L3MBTL4: variants seen among roughly 807,000 people sequenced by gnomAD.
L3MBTL4 encodes L3MBTL histone methyl-lysine binding protein 4.
Under a neutral mutation model 84.5 loss-of-function variants are expected in L3MBTL4, and 70 were observed. That is an observed-to-expected ratio of 0.83 (90% CI 0.68 to 1.01). L3MBTL4 has a LOEUF of 1.01. L3MBTL4 is among the 50% of genes least tolerant of loss of function. The pLI is 0.00. For synonymous variants in L3MBTL4, 274 were observed against 259.8 expected (o/e 1.05, Z -0.52); for missense variants, 715 against 754.8 (o/e 0.95, Z 0.62).
intron 16 of L3MBTL4, among the ~76,000 whole-genome samples, chr18:5,974,450 T>C (rs545723790): frequency 6.6e-6 from 1 of 152,252 alleles, no homozygotes; most frequent in African/African-American, 2.4e-5. Flanking sequence ...TGGAACCTGG[T>C]TGATTCCCTG....
rs146727904 is a variant in L3MBTL4, at chr18:6,378,749, C to T, written c.-91+36052G>A. On this transcript the variant is annotated intron_variant, in intron 1 of 18. Coordinates refer to ENST00000317931, the MANE Select transcript of L3MBTL4 (RefSeq NM_001330559.2). The stretch of plus-strand genomic sequence containing the variant: ...TTGTAGTATAGTTTGAAGTCAGGTA[C>T]TGTGATGCCTCCAGGTTTGTTCTTT... 4.7e-3 allele frequency among the ~76,000 whole-genome samples: 715 copies of T among 152,158 alleles called. 6 individuals carry two copies. The highest frequency in any genetic ancestry group is 0.016 in the African/African-American group (658 of 41,538).
intron 5 of L3MBTL4, among the ~76,000 whole-genome samples, chr18:6,246,945 A>G (rs1311554819): frequency 6.6e-6 from 1 of 152,178 alleles, no homozygotes; most frequent in Non-Finnish European, 1.5e-5. Context: ...AAAAGTTGCA[A>G]CAACAAGACA....
chr18:6,147,189 C>A (rs374903466), intron 13 of L3MBTL4, among the ~76,000 whole-genome samples: 1 of 152,036 alleles, frequency 6.6e-6, no homozygotes, highest in African/African-American at 2.4e-5. Context: ...TGCCACCCCA[C>A]AGGAAATTTG....
intron 3 of L3MBTL4, among the ~76,000 whole-genome samples, chr18:6,305,344 A>G (rs556101185): frequency 6.6e-6 from 1 of 152,346 alleles, no homozygotes; most frequent in African/African-American, 2.4e-5. Context: ...ATCTGTTAAA[A>G]TAAAGAAATT....
At chr18:6,345,579 C>T (rs897839320) in intron 1 of L3MBTL4, among the ~76,000 whole-genome samples, 3 of 152,028 alleles carry the variant, frequency 2.0e-5, no homozygotes, top group African/African-American at 7.2e-5. Flanking sequence ...TTAACAATAA[C>T]ATCAAAAAGA....
At chr18:6,177,689 C>G (rs894018440) in intron 12 of L3MBTL4, among the ~76,000 whole-genome samples, 6 of 152,184 alleles carry the variant, frequency 3.9e-5, no homozygotes, top group Admixed American at 6.5e-5. Context: ...CTCCTACTAT[C>G]TTCTACTGAT....
At chr18:6,394,208 CT>C (rs2055178364) in intron 1 of L3MBTL4, among the ~76,000 whole-genome samples, 1 of 152,170 alleles carries the variant, frequency 6.6e-6, no homozygotes. Context: ...TGGCTCACGG[CT>C]GTAATCCCAG....
At chr18:6,378,648 T>C (rs1337278430) in intron 1 of L3MBTL4, among the ~76,000 whole-genome samples, 2 of 152,220 alleles carry the variant, frequency 1.3e-5, no homozygotes, top group Non-Finnish European at 2.9e-5. Context: ...GTGTTATTTC[T>C]GAGGCCTCTG....
chr18:6,101,563 C>T (rs2058829890), intron 14 of L3MBTL4, among the ~76,000 whole-genome samples: 2 of 152,174 alleles, frequency 1.3e-5, no homozygotes, highest in Non-Finnish European at 2.9e-5. Flanking sequence ...AAGAGGCTTT[C>T]AGTACAGGCC....
chr18:6,387,018 G>C (rs962356847), intron 1 of L3MBTL4, among the ~76,000 whole-genome samples: 4 of 152,170 alleles, frequency 2.6e-5, no homozygotes, highest in African/African-American at 9.7e-5. Context: ...GAGTGCAGGA[G>C]AATGAGCCAG....
At chr18:6,343,239 T>C (rs943197867) in intron 1 of L3MBTL4, among the ~76,000 whole-genome samples, 1 of 152,168 alleles carries the variant, frequency 6.6e-6, no homozygotes, top group Non-Finnish European at 1.5e-5. Context: ...ATAAACCAAA[T>C]GGACCTAACA....
intron 14 of L3MBTL4, among the ~76,000 whole-genome samples, chr18:6,105,525 G>A (rs1446657739): frequency 1.3e-5 from 2 of 151,614 alleles, no homozygotes; most frequent in African/African-American, 2.4e-5. Flanking sequence ...TAGGCAGGGC[G>A]CAGTGGCTCA....
intron 16 of L3MBTL4, among the ~76,000 whole-genome samples, chr18:6,041,553 G>C (rs1379686979): frequency 6.6e-6 from 1 of 151,090 alleles, no homozygotes; most frequent in East Asian, 1.9e-4. Flanking sequence ...ATGGCAGTCG[G>C]GAAGAGCCTC....
At chr18:6,165,771 A>G (rs1315504630) in intron 13 of L3MBTL4, among the ~76,000 whole-genome samples, 1 of 152,226 alleles carries the variant, frequency 6.6e-6, no homozygotes, top group African/African-American at 2.4e-5. Flanking sequence ...AACTGCATCA[A>G]CTAATGAGCA....
At chr18:6,208,116 A>T (rs1339011544) in intron 12 of L3MBTL4, among the ~76,000 whole-genome samples, 4 of 144,442 alleles carry the variant, frequency 2.8e-5, no homozygotes, top group Non-Finnish European at 6.0e-5. Flanking sequence ...CCCTGTCTAA[A>T]AAATAAATAA....
chr18:6,244,214 G>T (rs1217203099), intron 6 of L3MBTL4, among the ~76,000 whole-genome samples: 2 of 152,060 alleles, frequency 1.3e-5, no homozygotes, highest in East Asian at 3.9e-4. Context: ...ATACCACTGG[G>T]ATTCACAGAT....
chr18:6,367,014 C>T (rs1390280962), intron 1 of L3MBTL4, among the ~76,000 whole-genome samples: 1 of 152,174 alleles, frequency 6.6e-6, no homozygotes, highest in Non-Finnish European at 1.5e-5. Flanking sequence ...ACACAAGTCC[C>T]TAGGAAAGCC....
chr18:6,125,490 G>A (rs1029228995), intron 14 of L3MBTL4, among the ~76,000 whole-genome samples: 1 of 152,038 alleles, frequency 6.6e-6, no homozygotes, highest in African/African-American at 2.4e-5. Flanking sequence ...GTGTAGTGGC[G>A]TGATCTTGGC....
intron 5 of L3MBTL4, among the ~76,000 whole-genome samples, chr18:6,246,639 C>G (rs1418363312): frequency 1.3e-5 from 2 of 152,184 alleles, no homozygotes; most frequent in Non-Finnish European, 2.9e-5. Flanking sequence ...GCACGTGGCT[C>G]ATGCCTGTAA....
Sources: allele counts gnomAD v4.1 joint callset (sites outside exome capture counted in the v4.1 genomes callset), GRCh38; gene constraint gnomAD v4.1.1; transcripts MANE v1.5; gene names NCBI Gene and HGNC (gene_info 2026-07-23, HGNC 2026-07-21).